AGBL1: variants seen among roughly 807,000 people sequenced by gnomAD.
AGBL1 encodes cytosolic carboxypeptidase 4.
A neutral mutation model predicts 118.9 loss-of-function variants in AGBL1; 130 were observed. That is an observed-to-expected ratio of 1.09 (90% confidence interval 0.95 to 1.26). The LOEUF (loss-of-function observed/expected upper bound fraction) is 1.26. Among genes scored for constraint, AGBL1 ranks in the 50% most tolerant of loss-of-function variants. The probability of loss-of-function intolerance (pLI) is 0.00; values close to 1 mark genes in which losing one functional copy is unlikely to be tolerated. For missense variants in AGBL1, 1,584 were observed against 1,298.1 expected (o/e 1.22, Z -3.38); for synonymous variants, 555 against 478.9 (o/e 1.16, Z -2.08).
At chr15:86,149,156 C>T (rs958282456) in intron 3 of AGBL1, among the ~76,000 whole-genome samples, 1 of 152,158 alleles carries the variant, frequency 6.6e-6, no homozygotes, top group Non-Finnish European at 1.5e-5. Context: ...ACAACCACTA[C>T]CAGCCACTGC....
intron 6 of AGBL1, among the ~76,000 whole-genome samples, chr15:86,245,478 C>A (rs1469989269): frequency 6.6e-6 from 1 of 152,182 alleles, no homozygotes; most frequent in East Asian, 1.9e-4. Context: ...TGCAATGTAC[C>A]TAGTCCCTAG....
chr15:87,017,581 G>A (rs148769009), intron 24 of AGBL1, among the ~76,000 whole-genome samples: 275 of 152,174 alleles, frequency 1.8e-3, no homozygotes, highest in African/African-American at 6.3e-3. Context: ...AAGTAAAACA[G>A]ACAAACAGAA....
chr15:86,783,182 C>T (rs1567171945), intron 22 of AGBL1, among the ~76,000 whole-genome samples: 1 of 152,174 alleles, frequency 6.6e-6, no homozygotes, highest in African/African-American at 2.4e-5. Flanking sequence ...CTTTCCATGT[C>T]CCCGGTACTG....
At chr15:86,688,638 C>G (rs1304703423) in intron 22 of AGBL1, among the ~76,000 whole-genome samples, 2 of 152,072 alleles carry the variant, frequency 1.3e-5, no homozygotes, top group Non-Finnish European at 2.9e-5. Flanking sequence ...AAACATTACT[C>G]AAACTACCAA....
intron 21 of AGBL1, among the ~76,000 whole-genome samples, chr15:86,627,091 C>G (rs751819586): frequency 7.9e-5 from 12 of 152,106 alleles, no homozygotes; most frequent in Non-Finnish European, 1.3e-4. Flanking sequence ...ACCTCCGCCT[C>G]CTGGGTTCAA....
At chr15:86,362,520 G>A (rs921728333) in intron 17 of AGBL1, among the ~76,000 whole-genome samples, 1 of 152,204 alleles carries the variant, frequency 6.6e-6, no homozygotes, top group African/African-American at 2.4e-5. Context: ...ATTCGGCTAA[G>A]TTCAGAGGGC....
At chr15:86,997,705 CAG>C (rs1380218092) in intron 24 of AGBL1, among the ~76,000 whole-genome samples, 1 of 152,004 alleles carries the variant, frequency 6.6e-6, no homozygotes, top group Non-Finnish European at 1.5e-5. Flanking sequence ...TTAAATTACA[CAG>C]AGAGAGCCAT....
At chr15:86,628,944 CTAAT>C (rs2077311084) in intron 21 of AGBL1, among the ~76,000 whole-genome samples, 1 of 152,038 alleles carries the variant, frequency 6.6e-6, no homozygotes, top group African/African-American at 2.4e-5. Context: ...CACAATCAAG[CTAAT>C]TAATATGTCA....
intron 18 of AGBL1, among the ~76,000 whole-genome samples, chr15:86,415,925 C>T (rs939197268): frequency 6.6e-6 from 1 of 152,138 alleles, no homozygotes; most frequent in Non-Finnish European, 1.5e-5. Context: ...ATCCTTCATT[C>T]CTAGTGTATT....
chr15:86,542,661 G>A (rs1443970802), intron 19 of AGBL1, among the ~76,000 whole-genome samples: 8 of 152,036 alleles, frequency 5.3e-5, no homozygotes, highest in East Asian at 3.9e-4. Context: ...GAGCCACTGC[G>A]CCTGGCGAGA....
At chr15:86,525,662 T>C (rs1486252279) in intron 19 of AGBL1, among the ~76,000 whole-genome samples, 2 of 152,148 alleles carry the variant, frequency 1.3e-5, no homozygotes, top group African/African-American at 4.8e-5. Context: ...GATAGCCACA[T>C]GTAGAAGAAT....
chr15:86,549,975 G>C (rs953179942), intron 20 of AGBL1, among the ~76,000 whole-genome samples: 1 of 152,010 alleles, frequency 6.6e-6, no homozygotes, highest in East Asian at 1.9e-4. Context: ...CACTAGGTGG[G>C]ATTGTCAGCA....
intron 5 of AGBL1, among the ~76,000 whole-genome samples, chr15:86,221,917 A>T (rs1452469525): frequency 6.6e-6 from 1 of 152,206 alleles, no homozygotes; most frequent in East Asian, 1.9e-4. Flanking sequence ...TAAAAACTAT[A>T]GTTGATACCT....
intron 22 of AGBL1, among the ~76,000 whole-genome samples, chr15:86,893,162 G>A (rs193074776): frequency 6.6e-6 from 1 of 152,226 alleles, no homozygotes; most frequent in Non-Finnish European, 1.5e-5. Context: ...GAGACATTCG[G>A]TGGAGCTCAG....
chr15:86,683,322 G>A (rs1009687370), intron 22 of AGBL1, among the ~76,000 whole-genome samples: 2 of 152,080 alleles, frequency 1.3e-5, no homozygotes, highest in African/African-American at 4.8e-5. Context: ...TACTATTCAG[G>A]GAAGATTAAT....
chr15:86,560,709 C>T (rs914805342), intron 21 of AGBL1, among the ~76,000 whole-genome samples: 7 of 152,184 alleles, frequency 4.6e-5, no homozygotes, highest in African/African-American at 9.7e-5. Context: ...CTTGAGGAAT[C>T]GCCACACTGT....
intron 18 of AGBL1, among the ~76,000 whole-genome samples, chr15:86,408,699 T>A (rs1221569132): frequency 6.6e-6 from 1 of 152,202 alleles, no homozygotes; most frequent in Non-Finnish European, 1.5e-5. Flanking sequence ...GATGAAAATG[T>A]CAATCTGGGT....
chr15:86,500,580 A>G (rs904835381), intron 18 of AGBL1, among the ~76,000 whole-genome samples: 4 of 146,402 alleles, frequency 2.7e-5, no homozygotes, highest in Non-Finnish European at 6.0e-5. Flanking sequence ...ATATTCACAA[A>G]TTGGTACAAC....
At chr15:87,024,053 C>CTT (rs1186302371) in intron 24 of AGBL1, among the ~76,000 whole-genome samples, 4 of 151,946 alleles carry the variant, frequency 2.6e-5, no homozygotes, top group Non-Finnish European at 4.4e-5. Flanking sequence ...AACAGACAAT[C>CTT]TAAGTTCACA....
Sources: allele counts gnomAD v4.1 joint callset (sites outside exome capture counted in the v4.1 genomes callset), GRCh38; gene constraint gnomAD v4.1.1; transcripts MANE v1.5; gene names NCBI Gene and HGNC (gene_info 2026-07-23, HGNC 2026-07-21).